GLYAT: variants seen among roughly 807,000 people sequenced by gnomAD.
GLYAT encodes glycine-N-acyltransferase.
Under a neutral mutation model 22.8 loss-of-function variants are expected in GLYAT, and 25 were observed. The ratio of observed to expected loss-of-function variants is 1.09; its 90% CI spans 0.80 to 1.53. The LOEUF (loss-of-function observed/expected upper bound fraction) is 1.53, where lower values mean the gene tolerates loss of function less well. Among genes scored for constraint, GLYAT ranks in the 40% most tolerant of loss-of-function variants. GLYAT has a pLI of 0.00. For missense variants in GLYAT, 411 were observed against 353.9 expected, an observed-to-expected ratio of 1.16 and a Z score of -1.29; for synonymous variants, 140 against 122.7, an observed-to-expected ratio of 1.14 and a Z score of -0.93.
intron 3 of GLYAT, among the ~76,000 whole-genome samples, chr11:58,714,236 A>C (rs1223377717): frequency 1.3e-5 from 2 of 152,190 alleles, no homozygotes; most frequent in African/African-American, 4.8e-5. Context: ...TAGGAGGAAT[A>C]AGTTCAAGAG....
intron 1 of GLYAT, among the ~76,000 whole-genome samples, chr11:58,728,053 C>CTTTTTTTTT (rs1173955703): frequency 4.4e-5 from 3 of 68,652 alleles, no homozygotes; most frequent in African/African-American, 6.8e-5. Flanking sequence ...TGCTCTAAAG[C>CTTTTTTTTT]TTTTTTTTTT....
chr11:58,728,885 AGAAAGAAGGAAGGAAGGAAGGAAG>A (rs1302216638), intron 1 of GLYAT, among the ~76,000 whole-genome samples: 2,348 of 121,382 alleles, frequency 0.019, 33 homozygotes, highest in Middle Eastern at 0.037. Flanking sequence ...AAAGAAAGAA[AGAAAGAAGGAAGGAAGGAAGGAAG>A]GAAGGAAGGA....
At chr11:58,712,466 G>C (rs931901573) in intron 4 of GLYAT, among the ~76,000 whole-genome samples, 1 of 152,112 alleles carries the variant, frequency 6.6e-6, no homozygotes, top group Non-Finnish European at 1.5e-5. Context: ...AGTCCAGAGG[G>C]AAGGCTCTTC....
In GLYAT at chr11:58,720,868, T is replaced by C. The variant is rs533905272; in HGVS notation, c.81+3548A>G. Among the ~76,000 whole-genome samples the C allele has an allele frequency of 1.4e-3, 208 of 152,160 alleles. 2 individuals carry two copies. Among genetic ancestry groups the C allele is most frequent in the African/African-American group, 4.1e-3 (170 of 41,562 alleles). ...TAAATGCAAACAAAATGTATGCTGGTAATTCTTAAGACATTTCTACTATTA... is the reference window on the plus strand; with the variant it reads ...TAAATGCAAACAAAATGTATGCTGGCAATTCTTAAGACATTTCTACTATTA... On this transcript the variant is annotated intron_variant, in intron 2 of 5. Transcript: ENST00000344743.
intron 1 of GLYAT, among the ~76,000 whole-genome samples, chr11:58,725,238 A>G (rs1856799844): frequency 6.6e-6 from 1 of 152,222 alleles, no homozygotes; most frequent in Non-Finnish European, 1.5e-5. Context: ...TTTAAGCCTT[A>G]TACTAGGATC....
intron 2 of GLYAT, among the ~76,000 whole-genome samples, chr11:58,719,929 A>G (rs1293931797): frequency 1.3e-5 from 2 of 151,992 alleles, no homozygotes; most frequent in African/African-American, 4.8e-5. Flanking sequence ...CCGACTGTTC[A>G]TGACATGCTT....
intron 2 of GLYAT, among the ~76,000 whole-genome samples, chr11:58,723,227 TCTTAA>T (rs1856773262): frequency 3.2e-5 from 2 of 62,696 alleles, no homozygotes; most frequent in Admixed American, 1.4e-4. Context: ...ACATACAGTG[TCTTAA>T]CTAATATGCC....
Position 58,710,677 on chromosome 11 carries a change from T to A in GLYAT, c.401A>T (p.Tyr134Phe). The change falls in exon 5 of 6, where the codon TAT becomes TTT. Residue 134 changes from tyrosine (Y) to phenylalanine (F), a missense_variant. Physicochemically the swap from Tyr to Phe is conservative, Grantham distance 22. Transcript: ENST00000344743. ...TTCCTTGGCTGTTTCAGCTGCCATA[T>A]AGAGAATGCGTTGTGTTTGTTTGAC... Reference protein sequence around the residue: ...FKVKQTQRILYMAAETAKELT... With the variant: ...FKVKQTQRILFMAAETAKELT... 6.2e-7 allele frequency: 1 copy of A among 1,613,060 alleles called. No homozygotes were observed. The highest frequency in any genetic ancestry group is 8.5e-7 in the Non-Finnish European group (1 of 1,179,052).
chr11:58,710,463 T>C (rs1339370663), intron 5 of GLYAT, 127 bp downstream of exon 5: 1 of 839,610 alleles, frequency 1.2e-6, no homozygotes, highest in Non-Finnish European at 1.9e-6. Context: ...GTTACATTTT[T>C]TAAAAATGTA....
chr11:58,728,886 GAAAGA>G (rs1856840104), intron 1 of GLYAT, among the ~76,000 whole-genome samples: 1 of 109,016 alleles, frequency 9.2e-6, no homozygotes, highest in African/African-American at 3.9e-5. Flanking sequence ...AAGAAAGAAA[GAAAGA>G]AGGAAGGAAG....
rs147040251 is a variant in GLYAT at position 58,712,221 on chromosome 11, A to G, written c.316+539T>C. On this transcript the variant is annotated intron_variant, in intron 4 of 5. Transcript: ENST00000344743. ...TGCTAAGCACTTCCTAGTCACTTTCATTTAATCTTTTCAGTGCCTTGTGTT... is the reference window on the plus strand; with the variant it reads ...TGCTAAGCACTTCCTAGTCACTTTCGTTTAATCTTTTCAGTGCCTTGTGTT... Among the ~76,000 whole-genome samples the G allele has an allele frequency of 5.3e-5, 8 of 152,328 alleles. No homozygotes were observed. The East Asian group carries it at 1.5e-3, about 29-fold the overall frequency.
intron 1 of GLYAT, among the ~76,000 whole-genome samples, chr11:58,725,402 G>A (rs117864533): frequency 0.026 from 3,934 of 152,244 alleles, 69 homozygotes; most frequent in Middle Eastern, 0.044. Context: ...TTCTATTTTG[G>A]AACTGTGATG....
intron 5 of GLYAT, 27 bp downstream of exon 5, chr11:58,710,563 G>T (rs1856601854): frequency 1.3e-6 from 2 of 1,533,770 alleles, no homozygotes; most frequent in African/African-American, 1.4e-5. Context: ...GGTGTGAGTG[G>T]TATAGACTGG....
chr11:58,722,222 G>A (rs892211479), intron 2 of GLYAT, among the ~76,000 whole-genome samples: 2 of 151,954 alleles, frequency 1.3e-5, no homozygotes, highest in Non-Finnish European at 2.9e-5. Flanking sequence ...ATTTGTCAAA[G>A]GTCAGGGGCA....
chr11:58,716,251 A>G (rs1419575094), intron 2 of GLYAT, among the ~76,000 whole-genome samples: 1 of 152,144 alleles, frequency 6.6e-6, no homozygotes, highest in Non-Finnish European at 1.5e-5. Flanking sequence ...ATGTCAGCAT[A>G]GATCTCGTGA....
At chr11:58,715,608 C>T (rs1204468233) in intron 2 of GLYAT, among the ~76,000 whole-genome samples, 185 bp from the exon 3 acceptor site, 1 of 152,100 alleles carries the variant, frequency 6.6e-6, no homozygotes, top group Non-Finnish European at 1.5e-5. Context: ...AGAGGGCAGA[C>T]AACCACTGTA....
intron 2 of GLYAT, among the ~76,000 whole-genome samples, chr11:58,717,936 T>C (rs1856703857): frequency 6.6e-6 from 1 of 152,098 alleles, no homozygotes; most frequent in Non-Finnish European, 1.5e-5. Context: ...ATCAAATACC[T>C]ATGAGTTGGA....
chr11:58,728,173 C>T (rs2134497954), intron 1 of GLYAT, among the ~76,000 whole-genome samples: 1 of 143,544 alleles, frequency 7.0e-6, no homozygotes, highest in East Asian at 2.2e-4. Context: ...AGCAATTTTC[C>T]TGCCTCAGAT....
At position 58,708,772 on chromosome 11, in the gene GLYAT, TTTAA is replaced by T. The variant is rs1202182048; in HGVS notation, c.*990_*993del. The stretch of plus-strand genomic sequence containing the variant: ...CCTCCAGAACTGTGATAAATAAATT[TTTAA>T]TTATTTTATTATTATTTTAAATAAA... On this transcript the variant is annotated 3_prime_UTR_variant, in exon 6 of 6. Coordinates refer to ENST00000344743, the MANE Select transcript of GLYAT (RefSeq NM_201648.3). 1 of 152,172 alleles carries T rather than the reference TTTAA, an allele frequency of 6.6e-6. No homozygotes were observed. The highest frequency in any genetic ancestry group is 1.5e-5 in the Non-Finnish European group (1 of 68,034). 9.4% of individuals were successfully genotyped at this position (152,172 alleles called of 1,614,324 possible). A position where few individuals can be genotyped will look rare whatever the true frequency, so the allele number is the denominator to read the frequency against.
Sources: allele counts gnomAD v4.1 joint callset (sites outside exome capture counted in the v4.1 genomes callset), GRCh38; gene constraint gnomAD v4.1.1; transcripts MANE v1.5; gene names NCBI Gene and HGNC (gene_info 2026-07-23, HGNC 2026-07-21).